The following NRXN3 variants were observed in gnomAD, a reference collection of about 807,000 sequenced individuals.
NRXN3 encodes neurexin 3, also known as neurexin III.
In NRXN3, 32 loss-of-function variants were observed where a neutral mutation model predicts 137.6. The ratio of observed to expected loss-of-function variants is 0.23; its 90% confidence interval spans 0.18 to 0.31. The LOEUF (loss-of-function observed/expected upper bound fraction) is 0.31, where lower values mean the gene tolerates loss of function less well. Ranked by LOEUF, NRXN3 falls within the 10% of genes least tolerant of loss-of-function variation. The probability of loss-of-function intolerance (pLI) is 1.00; values close to 1 mark genes in which losing one functional copy is unlikely to be tolerated. For missense variants in NRXN3, 1,574 were observed against 2,062.5 expected (o/e 0.76, Z 4.59); for synonymous variants, 798 against 784.5 (o/e 1.02, Z -0.29).
intron 15 of NRXN3, among the ~76,000 whole-genome samples, chr14:79,381,553 G>A (rs2094470852): frequency 6.6e-6 from 1 of 152,100 alleles, no homozygotes; most frequent in Non-Finnish European, 1.5e-5. Flanking sequence ...TGTTCTCTCA[G>A]TACCCCTGAA....
intron 4 of NRXN3, among the ~76,000 whole-genome samples, chr14:78,566,167 C>T (rs1302813764): frequency 6.6e-6 from 1 of 151,800 alleles, no homozygotes; most frequent in Non-Finnish European, 1.5e-5. Context: ...CCAACGCCGG[C>T]CAAAAAAAAG....
At chr14:78,570,514 C>T (rs2096879488) in intron 4 of NRXN3, among the ~76,000 whole-genome samples, 1 of 152,198 alleles carries the variant, frequency 6.6e-6, no homozygotes, top group Non-Finnish European at 1.5e-5. Context: ...AATACAGGAA[C>T]TTCTGCAGGT....
At chr14:78,235,216 T>C (rs749385513) in intron 1 of NRXN3, among the ~76,000 whole-genome samples, 6 of 152,000 alleles carry the variant, frequency 3.9e-5, no homozygotes, top group Non-Finnish European at 7.4e-5. Context: ...AGTTTTAGCC[T>C]ATCATGATCT....
chr14:78,194,707 G>A (rs956159677), intron 1 of NRXN3, among the ~76,000 whole-genome samples: 1 of 152,182 alleles, frequency 6.6e-6, no homozygotes, highest in African/African-American at 2.4e-5. Flanking sequence ...CTCCAGAGGC[G>A]GATGGCTACG....
chr14:79,324,297 A>T (rs1479857388), intron 15 of NRXN3, among the ~76,000 whole-genome samples: 1 of 152,236 alleles, frequency 6.6e-6, no homozygotes, highest in Non-Finnish European at 1.5e-5. Context: ...AAGCAGATTT[A>T]AAAAATTGAA....
intron 15 of NRXN3, among the ~76,000 whole-genome samples, chr14:79,407,340 A>G (rs1446978794): frequency 6.6e-6 from 1 of 151,440 alleles, no homozygotes; most frequent in African/African-American, 2.4e-5. Flanking sequence ...TATTCTTTCT[A>G]CTCCTCCCTT....
At chr14:79,241,770 T>G (rs913692794) in intron 15 of NRXN3, among the ~76,000 whole-genome samples, 9 of 152,104 alleles carry the variant, frequency 5.9e-5, no homozygotes, top group African/African-American at 2.2e-4. Context: ...ACATTCATGT[T>G]GAAAATTAAA....
chr14:79,184,321 G>C (rs931546622), intron 15 of NRXN3, among the ~76,000 whole-genome samples: 7 of 152,212 alleles, frequency 4.6e-5, no homozygotes, highest in Admixed American at 3.3e-4. Flanking sequence ...GATGATTCAT[G>C]CTTATTGGTG....
Position 79,559,127 on chromosome 14 carries a change from CA to C in NRXN3, c.3444+91726del, listed in dbSNP as rs148418029. On this transcript the variant is annotated intron_variant, in intron 16 of 20. Transcript: ENST00000335750. The stretch of plus-strand genomic sequence containing the variant: ...TCTGTCCAGACAACTAAAACTTTCT[CA>C]TGTCAGCAATCAGGCTGTTTTGCTT... Among the ~76,000 whole-genome samples, 1,011 of 152,298 alleles carry C rather than the reference CA, an allele frequency of 6.6e-3. 8 individuals carry two copies. The highest frequency in any genetic ancestry group is 0.024 in the African/African-American group (983 of 41,572).
chr14:78,413,712 T>C (rs1242805138), intron 4 of NRXN3, among the ~76,000 whole-genome samples: 1 of 152,126 alleles, frequency 6.6e-6, no homozygotes, highest in Non-Finnish European at 1.5e-5. Context: ...GCAGCGTAAT[T>C]AGCAGCCAAC....
At chr14:78,667,815 C>T (rs1192614837) in intron 6 of NRXN3, among the ~76,000 whole-genome samples, 1 of 151,834 alleles carries the variant, frequency 6.6e-6, no homozygotes, top group Admixed American at 6.6e-5. Flanking sequence ...TGAAGTTTTG[C>T]TCTTGTTGCC....
At chr14:79,167,600 C>CT (rs1343297083) in intron 15 of NRXN3, among the ~76,000 whole-genome samples, 2 of 151,392 alleles carry the variant, frequency 1.3e-5, no homozygotes, top group African/African-American at 4.8e-5. Context: ...ACTTTTCTTC[C>CT]TTTTTTTGTT....
At chr14:78,996,093 T>C (rs1445631312) in intron 15 of NRXN3, among the ~76,000 whole-genome samples, 1 of 152,204 alleles carries the variant, frequency 6.6e-6, no homozygotes, top group Non-Finnish European at 1.5e-5. Context: ...GAAAGACACA[T>C]GATTTTTTTC....
At position 79,129,156 on chromosome 14, in the gene NRXN3, G is replaced by GT. The variant is rs1014443105; in HGVS notation, c.3262+141021dup. Among the ~76,000 whole-genome samples, 3 of 151,982 alleles carry GT rather than the reference G, an allele frequency of 2.0e-5. No individual in the cohort carries two copies. The South Asian group carries it at 6.2e-4, about 32-fold the overall frequency. On this transcript the variant is annotated intron_variant, in intron 15 of 20. Transcript: ENST00000335750. ...CCTGGATTCATTAATTTTTTGGAGGGTTTTTTGTGTCTCTATTTCCTTCAG... is the reference window on the plus strand; with the variant it reads ...CCTGGATTCATTAATTTTTTGGAGGGTTTTTTTGTGTCTCTATTTCCTTCAG...
intron 15 of NRXN3, among the ~76,000 whole-genome samples, chr14:79,196,490 C>T (rs1327030879): frequency 1.3e-5 from 2 of 152,128 alleles, no homozygotes; most frequent in Non-Finnish European, 2.9e-5. Flanking sequence ...GAACAGAGCC[C>T]TCATGACCTA....
intron 15 of NRXN3, among the ~76,000 whole-genome samples, chr14:79,463,618 A>G (rs533822678): frequency 6.6e-6 from 1 of 152,278 alleles, no homozygotes; most frequent in African/African-American, 2.4e-5. Context: ...CTGCTTGCAA[A>G]CTTGCAAATC....
chr14:79,326,077 C>T (rs2090818533), intron 15 of NRXN3, among the ~76,000 whole-genome samples: 1 of 152,124 alleles, frequency 6.6e-6, no homozygotes, highest in Admixed American at 6.5e-5. Context: ...TGTCTATTTG[C>T]ATTGATATTT....
intron 4 of NRXN3, among the ~76,000 whole-genome samples, chr14:78,446,408 CT>C (rs532924679): frequency 0.095 from 13,826 of 145,376 alleles, 842 homozygotes; most frequent in African/African-American, 0.16. Flanking sequence ...ATGCTCTAGG[CT>C]TTTTTTTTTT....
intron 20 of NRXN3, among the ~76,000 whole-genome samples, chr14:79,852,391 TG>T (rs2099393681): frequency 6.6e-6 from 1 of 152,112 alleles, no homozygotes; most frequent in Non-Finnish European, 1.5e-5. Flanking sequence ...AAACTGGTTT[TG>T]TCTTGCTGCC....
Sources: allele counts gnomAD v4.1 joint callset (sites outside exome capture counted in the v4.1 genomes callset), GRCh38; gene constraint gnomAD v4.1.1; transcripts MANE v1.5; gene names NCBI Gene and HGNC (gene_info 2026-07-23, HGNC 2026-07-21).